TMEM63C: variants seen among roughly 807,000 people sequenced by gnomAD.
TMEM63C encodes transmembrane protein 63C.
Under a neutral mutation model 99.2 loss-of-function variants are expected in TMEM63C, and 32 were observed. The ratio of observed to expected loss-of-function variants is 0.32; its 90% CI spans 0.24 to 0.43. TMEM63C has a LOEUF of 0.43. Among genes scored for constraint, TMEM63C ranks in the 20% least tolerant of loss-of-function variants. The pLI is 1.00. For synonymous variants in TMEM63C, 376 were observed against 397.9 expected (o/e 0.94, Z 0.66); for missense variants, 826 against 1,053.0 (o/e 0.78, Z 2.98).
At chr14:77,199,349 G>A (rs774828104) in intron 1 of TMEM63C, among the ~76,000 whole-genome samples, 29 of 152,044 alleles carry the variant, frequency 1.9e-4, no homozygotes, top group Non-Finnish European at 3.2e-4. Context: ...CAATAGCTCC[G>A]CACTGCCTAC....
intron 1 of TMEM63C, among the ~76,000 whole-genome samples, chr14:77,209,592 G>C (rs1314830426): frequency 1.3e-5 from 2 of 152,308 alleles, no homozygotes; most frequent in East Asian, 3.9e-4. Context: ...GATGGTCCCA[G>C]GCAGTGGTTG....
At chr14:77,231,214 G>A (rs1450346711) in intron 6 of TMEM63C, among the ~76,000 whole-genome samples, 1 of 152,162 alleles carries the variant, frequency 6.6e-6, no homozygotes, top group Admixed American at 6.5e-5. Flanking sequence ...TCCTAAGAGT[G>A]CCTCTCAGTA....
intron 18 of TMEM63C, among the ~76,000 whole-genome samples, chr14:77,247,860 C>T (rs1889291387): frequency 6.6e-6 from 1 of 152,238 alleles, no homozygotes; most frequent in Admixed American, 6.5e-5. Flanking sequence ...TCACCTCGGC[C>T]TCCCAAAGTG....
intron 1 of TMEM63C, among the ~76,000 whole-genome samples, chr14:77,184,473 G>A (rs566931325): frequency 9.2e-5 from 14 of 152,346 alleles, no homozygotes; most frequent in African/African-American, 2.6e-4. Flanking sequence ...CCTGGGAAGA[G>A]GCGGGTGGAA....
intron 9 of TMEM63C, among the ~76,000 whole-genome samples, chr14:77,238,125 G>A (rs901657071): frequency 4.6e-5 from 7 of 152,126 alleles, no homozygotes; most frequent in African/African-American, 7.2e-5. Context: ...TAAAGGTGAC[G>A]ACCCAGGAAG....
At position 77,251,962 on chromosome 14, in the gene TMEM63C, A is replaced by C; in HGVS notation, c.2148+64A>C. ...TCCCTGGGGGACACAGCTGTAGGAT[A>C]CTCTCCAGGTCTGGGCTCCCATAGC... is the stretch of plus-strand genomic sequence containing the variant. On this transcript the variant is annotated intron_variant, in intron 22 of 23. Transcript: ENST00000298351. 3 of 1,318,904 alleles carry C rather than the reference A, an allele frequency of 2.3e-6. No homozygotes were observed. In the South Asian group the frequency reaches 3.5e-5, roughly 15 times the overall value. 81.7% of individuals were successfully genotyped at this position (1,318,904 alleles called of 1,614,324 possible).
chr14:77,205,551 T>A (rs1273421334), intron 1 of TMEM63C, among the ~76,000 whole-genome samples: 1 of 152,098 alleles, frequency 6.6e-6, no homozygotes, highest in Admixed American at 6.5e-5. Context: ...CCCAGAAGGC[T>A]CCCTGAAGAA....
intron 1 of TMEM63C, among the ~76,000 whole-genome samples, chr14:77,196,436 C>T (rs904728183): frequency 2.0e-5 from 3 of 152,210 alleles, no homozygotes; most frequent in East Asian, 1.9e-4. Context: ...TTCTGAAGGG[C>T]GCTGTCCCAG....
Position 77,194,521 on chromosome 14 carries a change from C to CTTTA in TMEM63C, c.-77+12630_-77+12631insATTT, listed in dbSNP as rs1181889488. 9.8e-5 allele frequency among the ~76,000 whole-genome samples: 4 copies of CTTTA among 40,820 alleles called. No individual in the cohort carries two copies. In the Admixed American group the frequency reaches 1.0e-3, roughly 10 times the overall value. The allele number at this position is 40,820 out of a possible 152,430, so 26.8% of individuals were successfully genotyped here. A position where few individuals can be genotyped will look rare whatever the true frequency, so the allele number is the denominator to read the frequency against. ...TCTTTCTTTCTTTCTTTCTTTCTTT[C>CTTTA]TTTCTTTCTTTCTTTCTTTCTTTCT... On this transcript the variant is annotated intron_variant, in intron 1 of 23. Coordinates refer to ENST00000298351, the MANE Select transcript of TMEM63C (RefSeq NM_020431.4).
intron 23 of TMEM63C, 65 bp from the exon 24 acceptor site, chr14:77,256,461 G>C: frequency 1.3e-6 from 2 of 1,513,022 alleles, no homozygotes; most frequent in Non-Finnish European, 1.8e-6. Flanking sequence ...TGAGGGGAGA[G>C]GGTGTGCCCA....
In TMEM63C at chr14:77,242,420, T is replaced by C. The variant is rs1453237863; in HGVS notation, c.1138T>C (p.Ser380Pro). ...GTCCTCAGTGACCACCATCGTCAAATCATATTACTGGAGGGTCACTATGGC... is the reference window on the plus strand; with the variant it reads ...GTCCTCAGTGACCACCATCGTCAAACCATATTACTGGAGGGTCACTATGGC... ...QQSSVTTIVK[S>P]YYWRVTMAPH... The change falls in exon 14 of 24, where the codon TCA (serine) becomes CCA (proline). Residue 380 changes from serine (S) to proline (P), a missense_variant. Ser to Pro is a moderately conservative substitution (Grantham distance 74, BLOSUM62 -1). Transcript: ENST00000298351. 1 of 1,613,150 alleles carries C rather than the reference T, an allele frequency of 6.2e-7. No individual in the cohort carries two copies. The highest frequency in any genetic ancestry group is 8.5e-7 in the Non-Finnish European group (1 of 1,179,638).
intron 18 of TMEM63C, 144 bp downstream of exon 18, chr14:77,246,818 AC>A (rs1389306669): frequency 3.2e-6 from 2 of 621,492 alleles, no homozygotes; most frequent in African/African-American, 3.7e-5. Flanking sequence ...CAGACTTGTT[AC>A]CTTTCCTGTG....
rs1889318760 is a variant in TMEM63C at position 77,249,353 on chromosome 14, C to T, written c.1933C>T (p.Pro645Ser). The part of the protein sequence containing the change: ...DRYNMYYSFA[P>S]TKLNEQIHMA... Reference sequence around the variant, plus strand: ...CTATAACATGTACTACTCCTTTGCACCCACCAAACTGAACGAGCAGATCCA... The same window carrying T: ...CTATAACATGTACTACTCCTTTGCATCCACCAAACTGAACGAGCAGATCCA... Residue 645 changes from proline (P) to serine (S), a missense_variant, in exon 21 of 24, where the codon CCC becomes TCC. By Grantham distance (74) the Pro-to-Ser change is moderately conservative (BLOSUM62 -1). Coordinates refer to ENST00000298351, the MANE Select transcript of TMEM63C (RefSeq NM_020431.4). 3.7e-6 allele frequency: 6 copies of T among 1,613,866 alleles called. No homozygotes were observed. The highest frequency in any genetic ancestry group is 1.1e-5 in the South Asian group (1 of 91,076).
chr14:77,213,278 G>T (rs79963692), intron 1 of TMEM63C, among the ~76,000 whole-genome samples, 168 bp from the exon 2 acceptor site: 2,889 of 152,192 alleles, frequency 0.019, 81 homozygotes, highest in African/African-American at 0.066. Context: ...ACAATTAAAA[G>T]AAAAGCAATA....
chr14:77,194,845 G>A (rs572454534), intron 1 of TMEM63C, among the ~76,000 whole-genome samples: 5 of 151,818 alleles, frequency 3.3e-5, no homozygotes, highest in Non-Finnish European at 5.9e-5. Context: ...GCCTCCCAAA[G>A]TGCTAGGATT....
intron 1 of TMEM63C, among the ~76,000 whole-genome samples, chr14:77,186,776 G>GGT (rs750331360): frequency 0.019 from 2,634 of 138,532 alleles, 55 homozygotes; most frequent in African/African-American, 0.052. Flanking sequence ...GAACCAAAGG[G>GGT]GTGTGTGTGT....
At chr14:77,237,290 G>A (rs1287936422) in intron 9 of TMEM63C, among the ~76,000 whole-genome samples, 1 of 152,110 alleles carries the variant, frequency 6.6e-6, no homozygotes, top group Non-Finnish European at 1.5e-5. Flanking sequence ...ACCCCTGCTA[G>A]GCCCGTGCCT....
At chr14:77,219,683 C>A in intron 4 of TMEM63C, 106 bp downstream of exon 4, 1 of 1,221,792 alleles carries the variant, frequency 8.2e-7, no homozygotes, top group Non-Finnish European at 1.2e-6. Context: ...AGGTGTCTCG[C>A]CAGCAAGTGG....
chr14:77,248,889 G>C lies in TMEM63C; in HGVS notation c.1870+17G>C, dbSNP rs775792648. The C allele has an allele frequency of 8.1e-6, 13 of 1,595,840 alleles. No individual in the cohort carries two copies. The South Asian group carries it at 1.4e-4, about 18-fold the overall frequency. On this transcript the variant is annotated intron_variant, in intron 20 of 23. Coordinates refer to ENST00000298351, the MANE Select transcript of TMEM63C (RefSeq NM_020431.4). Reference sequence around the variant, plus strand: ...TGCCTTTTGGTGAGTCATCTCCAAGGCATGCCCAAGGGCTGCACATCCGCA... The same window carrying C: ...TGCCTTTTGGTGAGTCATCTCCAAGCCATGCCCAAGGGCTGCACATCCGCA...
Sources: gnomAD v4.1 joint callset for allele counts (sites outside exome capture counted in the v4.1 genomes callset) on GRCh38, gnomAD v4.1.1 for gene constraint, MANE v1.5 for transcripts, NCBI Gene and HGNC (gene_info 2026-07-23, HGNC 2026-07-21) for gene names.